NUMB: variants seen among roughly 807,000 people sequenced by gnomAD.
NUMB encodes the protein NUMB endocytic adaptor protein, also known as protein numb homolog.
Under a neutral mutation model 59.7 loss-of-function variants are expected in NUMB, and 29 were observed. The observed-to-expected ratio is 0.49, with a 90% confidence interval of 0.36 to 0.66. NUMB has a LOEUF of 0.66. Among genes scored for constraint, NUMB ranks in the 30% least tolerant of loss-of-function variants. NUMB has a pLI of 0.00. For missense variants in NUMB, 723 were observed against 822.0 expected (o/e 0.88, Z 1.47); for synonymous variants, 288 against 288.2 (o/e 1.00, Z 0.01).
intron 2 of NUMB, among the ~76,000 whole-genome samples, chr14:73,408,687 G>A (rs557353145): frequency 2.9e-3 from 440 of 152,102 alleles, no homozygotes; most frequent in African/African-American, 0.01. Context: ...AGACCAGCCT[G>A]ACCAACATGG....
intron 3 of NUMB, among the ~76,000 whole-genome samples, chr14:73,361,832 G>A (rs2140034950): frequency 6.6e-6 from 1 of 152,286 alleles, no homozygotes; most frequent in Non-Finnish European, 1.5e-5. Flanking sequence ...GAAAGAGACA[G>A]AAAAGGGGCA....
chr14:73,385,627 G>A (rs988311241), intron 2 of NUMB, among the ~76,000 whole-genome samples: 35 of 148,660 alleles, frequency 2.4e-4, no homozygotes, highest in Non-Finnish European at 4.4e-5. Context: ...TCAGTCACCC[G>A]AGTAGCTGGG....
chr14:73,366,825 T>G (rs1453834042), intron 3 of NUMB, 72 bp downstream of exon 3: 1 of 152,180 alleles, frequency 6.6e-6, no homozygotes, highest in African/African-American at 2.4e-5. Flanking sequence ...CTAACACAAC[T>G]TATCACAGGT....
rs1377922141 is a variant in NUMB, at chr14:73,287,258, C to T, written c.507G>A (p.Lys169=). ...GCAFAACLER[K]QKREKECGVT... ...CTCCACATTCCTTCTCCCGCTTCTG[C>T]TTGCGCTCTAAACAGGCTGCAAAAG... Residue 169 remains lysine (K), a synonymous_variant, in exon 9 of 13, where the codon AAG becomes AAA. Coordinates refer to ENST00000555238, the MANE Select transcript of NUMB (RefSeq NM_001005743.2). The T allele has an allele frequency of 6.2e-7, 1 of 1,613,746 alleles. No individual in the cohort carries two copies. The highest frequency in any genetic ancestry group is 1.7e-5 in the Admixed American group (1 of 59,950).
intron 8 of NUMB, 126 bp from the exon 9 acceptor site, chr14:73,287,440 G>A (rs776405599): frequency 6.3e-6 from 5 of 788,786 alleles, no homozygotes; most frequent in Admixed American, 2.8e-5. Flanking sequence ...GTGCAGTGGC[G>A]CAGTCTCTGC....
chr14:73,323,187 T>C lies in NUMB; in HGVS notation c.144A>G (p.Glu48=). Residue 48 remains glutamate (E), a synonymous_variant, in exon 5 of 13, where the codon GAA becomes GAG. Coordinates refer to ENST00000555238, the MANE Select transcript of NUMB (RefSeq NM_001005743.2). ...TGTGCATTCCTCTTGATTCATCAAC[T>C]TCTACATGGCCAAGGTACTGTAGAA... ...SFPVKYLGHV[E]VDESRGMHIC... is the part of the protein sequence containing the mutation. The C allele has an allele frequency of 6.2e-7, 1 of 1,613,128 alleles. No homozygotes were observed. Among genetic ancestry groups the C allele is most frequent in the Admixed American group, 1.7e-5 (1 of 59,990 alleles).
chr14:73,279,058 GC>G (rs1201678282), intron 12 of NUMB, among the ~76,000 whole-genome samples: 2 of 152,154 alleles, frequency 1.3e-5, no homozygotes, highest in East Asian at 3.8e-4. Flanking sequence ...TATGGGTGGG[GC>G]TCTGTTCCAC....
intron 1 of NUMB, among the ~76,000 whole-genome samples, chr14:73,449,978 G>A (rs564859578): frequency 7.4e-4 from 113 of 152,244 alleles, no homozygotes; most frequent in African/African-American, 2.5e-3. Context: ...GTGAGCCACC[G>A]CGCCCAGCCT....
In NUMB at chr14:73,349,881, G is replaced by GA. The variant is rs1342112832; in HGVS notation, c.126+5744dup. ...GGGACAGAGCAAGACTCCGTCTCAA[G>GA]AAAAAAAACAAAAAACAAAAAAAAC... On this transcript the variant is annotated intron_variant, in intron 4 of 12. Coordinates refer to ENST00000555238, the MANE Select transcript of NUMB (RefSeq NM_001005743.2). 3.4e-5 allele frequency among the ~76,000 whole-genome samples: 5 copies of GA among 148,622 alleles called. 1 individual carries two copies. The South Asian group carries it at 6.4e-4, about 19-fold the overall frequency.
chr14:73,406,102 T>G (rs1336127686), intron 2 of NUMB, among the ~76,000 whole-genome samples: 1 of 150,908 alleles, frequency 6.6e-6, no homozygotes, highest in Non-Finnish European at 1.5e-5. Flanking sequence ...GTTTTTTTTT[T>G]TTTTTATTAT....
At chr14:73,420,803 T>C (rs545567920) in intron 1 of NUMB, among the ~76,000 whole-genome samples, 2 of 152,038 alleles carry the variant, frequency 1.3e-5, no homozygotes, top group Non-Finnish European at 2.9e-5. Context: ...AATAGACACT[T>C]GCACCTATAC....
At chr14:73,451,343 A>T (rs1185015478) in intron 1 of NUMB, among the ~76,000 whole-genome samples, 1 of 151,262 alleles carries the variant, frequency 6.6e-6, no homozygotes, top group Non-Finnish European at 1.5e-5. Flanking sequence ...AGGCTAAAGC[A>T]GGAGAATTAC....
chr14:73,317,825 T>C (rs1433694498), intron 5 of NUMB, among the ~76,000 whole-genome samples: 2 of 152,230 alleles, frequency 1.3e-5, no homozygotes, highest in East Asian at 1.9e-4. Flanking sequence ...CTAGCTGTGG[T>C]TGAAATATAC....
At chr14:73,414,981 A>G (rs1897064977) in intron 1 of NUMB, among the ~76,000 whole-genome samples, 1 of 152,182 alleles carries the variant, frequency 6.6e-6, no homozygotes, top group Admixed American at 6.5e-5. Flanking sequence ...CGGCCTCCCA[A>G]AGTGCTGGGA....
chr14:73,361,922 C>T (rs1894113656), intron 3 of NUMB, among the ~76,000 whole-genome samples: 1 of 152,012 alleles, frequency 6.6e-6, no homozygotes, highest in Non-Finnish European at 1.5e-5. Context: ...GAATATACTA[C>T]TGATGATAAG....
rs893336976 is a variant in NUMB, at chr14:73,371,273, C to T, written c.-100-4292G>A. Among the ~76,000 whole-genome samples, 4 of 152,126 alleles carry T rather than the reference C, an allele frequency of 2.6e-5. No individual in the cohort carries two copies. In the East Asian group the frequency reaches 7.7e-4, roughly 29 times the overall value. On this transcript the variant is annotated intron_variant, in intron 2 of 12. Transcript: ENST00000555238. ...TATAACAGCCGGGCTCAGTGGCTCA[C>T]GCCTGTAATCTCAGCACTTTGGGAG... is the stretch of plus-strand genomic sequence containing the variant.
At chr14:73,440,659 A>G (rs113185693) in intron 1 of NUMB, among the ~76,000 whole-genome samples, 3 of 151,452 alleles carry the variant, frequency 2.0e-5, no homozygotes, top group African/African-American at 7.3e-5. Flanking sequence ...TCGAAACCCC[A>G]TCTCTACTAA....
intron 4 of NUMB, among the ~76,000 whole-genome samples, chr14:73,350,299 G>A (rs1038365508): frequency 6.1e-5 from 9 of 148,536 alleles, no homozygotes; most frequent in Non-Finnish European, 1.3e-4. Context: ...TCAGCCTCCC[G>A]AGTAGCTGGG....
In NUMB at chr14:73,317,504, G is replaced by T. The variant is rs372780474; in HGVS notation, c.202-1082C>A. The stretch of plus-strand genomic sequence containing the variant: ...TTTAGTAGAGACAGGGTTTCACCGT[G>T]TTGGCCAGGCTGGTCTCGAACTCCT... On this transcript the variant is annotated intron_variant, in intron 5 of 12. Coordinates refer to ENST00000555238, the MANE Select transcript of NUMB (RefSeq NM_001005743.2). Among the ~76,000 whole-genome samples, 10 of 152,280 alleles carry T rather than the reference G, an allele frequency of 6.6e-5. No homozygotes were observed. In the East Asian group the frequency reaches 1.7e-3, roughly 26 times the overall value.
Sources: gnomAD v4.1 joint callset for allele counts (sites outside exome capture counted in the v4.1 genomes callset) on GRCh38, gnomAD v4.1.1 for gene constraint, MANE v1.5 for transcripts, NCBI Gene and HGNC (gene_info 2026-07-23, HGNC 2026-07-21) for gene names.